The following SHROOM2 variants were observed in gnomAD, a reference collection of about 807,000 sequenced individuals.
SHROOM2 encodes the protein protein Shroom2.
In SHROOM2, 33 loss-of-function variants were observed where a neutral mutation model predicts 75.9. The ratio of observed to expected loss-of-function variants is 0.43; its 90% CI spans 0.33 to 0.58. The LOEUF is 0.58. Among genes scored for constraint, SHROOM2 ranks in the 20% least tolerant of loss-of-function variants. The pLI, the probability that SHROOM2 is intolerant of heterozygous loss-of-function variation, is 0.04. For missense variants in SHROOM2, 1,434 were observed against 1,461.2 expected (o/e 0.98, Z 0.30); for synonymous variants, 655 against 663.6 (o/e 0.99, Z 0.20).
intron 1 of SHROOM2, among the ~76,000 whole-genome samples, chrX:9,814,001 A>C (rs773079616): frequency 2.7e-5 from 3 of 112,081 alleles, no homozygotes; most frequent in Non-Finnish European, 5.6e-5. Flanking sequence ...GGGAAGAACA[A>C]TTACAGGGCT....
chrX:9,899,642 C>A lies in SHROOM2; in HGVS notation c.2891+1352C>A, dbSNP rs1180458346. 9.8e-5 allele frequency among the ~76,000 whole-genome samples: 11 copies of A among 112,205 alleles called. No homozygotes were observed. The Admixed American group carries it at 1.0e-3, about 11-fold the overall frequency. On this transcript the variant is annotated intron_variant, in intron 5 of 9. Transcript: ENST00000380913. Reference sequence around the variant, plus strand: ...CGACAGGATTGATATTGTGTGTGTGCTTGTGTAGGAAGTCTCTGCAGTTAC... The same window carrying A: ...CGACAGGATTGATATTGTGTGTGTGATTGTGTAGGAAGTCTCTGCAGTTAC...
intron 1 of SHROOM2, among the ~76,000 whole-genome samples, chrX:9,789,938 C>T (rs966672482): frequency 6.8e-5 from 7 of 102,674 alleles, no homozygotes; most frequent in East Asian, 3.0e-4. Context: ...CTGTTGTGTG[C>T]GACAAGACTG....
chrX:9,864,692 G>T (rs1449846923), intron 1 of SHROOM2, among the ~76,000 whole-genome samples: 1 of 108,265 alleles, frequency 9.2e-6, no homozygotes, highest in Non-Finnish European at 1.9e-5. Flanking sequence ...GGGCGTAGTG[G>T]CGGGCGCCTG....
rs1401828412 is a variant in SHROOM2, at chrX:9,949,349, A to C, written c.*2412A>C. On this transcript the variant is annotated 3_prime_UTR_variant, in exon 10 of 10. Transcript: ENST00000380913. ...TGTATCCTTCAGTCCACCACAGCAA[A>C]TGTGTGTAGATTTCATGCTCGACAC... The C allele has an allele frequency of 6.1e-6, 2 of 328,953 alleles. No homozygotes were observed. Among genetic ancestry groups the C allele is most frequent in the African/African-American group, 5.3e-5 (2 of 37,450 alleles). The allele number at this position is 328,953 out of a possible 1,213,427, so 27.1% of individuals were successfully genotyped here.
chrX:9,813,417 A>G (rs1318553929), intron 1 of SHROOM2, among the ~76,000 whole-genome samples: 1 of 111,621 alleles, frequency 9.0e-6, no homozygotes, highest in Non-Finnish European at 1.9e-5. Context: ...CTTGGAATCA[A>G]CGTCAGCTCA....
chrX:9,921,129 C>T (rs1157008601), intron 5 of SHROOM2, among the ~76,000 whole-genome samples: 1 of 110,887 alleles, frequency 9.0e-6, no homozygotes, highest in Non-Finnish European at 1.9e-5. Flanking sequence ...CTCAGTTCCT[C>T]CCCACATGGA....
chrX:9,915,697 A>G (rs1436460073), intron 5 of SHROOM2, among the ~76,000 whole-genome samples: 1 of 112,729 alleles, frequency 8.9e-6, no homozygotes, highest in Non-Finnish European at 1.9e-5. Flanking sequence ...ATACATGCCC[A>G]TACACATATG....
At chrX:9,904,317 C>T (rs751325593) in intron 5 of SHROOM2, among the ~76,000 whole-genome samples, 46 of 111,481 alleles carry the variant, frequency 4.1e-4, no homozygotes, top group African/African-American at 1.4e-3. Context: ...TCCAGGAGTT[C>T]GAGACCAGCT....
At chrX:9,875,056 G>A (rs1161682121) in intron 2 of SHROOM2, among the ~76,000 whole-genome samples, 1 of 61,598 alleles carries the variant, frequency 1.6e-5, no homozygotes, top group Non-Finnish European at 3.1e-5. Context: ...ATTCCAGGCT[G>A]GGTGACAGAG....
chrX:9,855,295 T>TAAAAAAAAAAAA (rs57235424), intron 1 of SHROOM2, among the ~76,000 whole-genome samples: 2 of 39,297 alleles, frequency 5.1e-5, no homozygotes, highest in African/African-American at 9.3e-5. Flanking sequence ...TAAAGTATAG[T>TAAAAAAAAAAAA]AAAAAAAAAA....
At chrX:9,807,998 C>G (rs1435470263) in intron 1 of SHROOM2, among the ~76,000 whole-genome samples, 1 of 111,935 alleles carries the variant, frequency 8.9e-6, no homozygotes, top group Admixed American at 9.5e-5. Context: ...CAGCCCCGAG[C>G]TTTTGGCCTG....
At chrX:9,814,588 T>A (rs2083808935) in intron 1 of SHROOM2, among the ~76,000 whole-genome samples, 1 of 110,941 alleles carries the variant, frequency 9.0e-6, no homozygotes, top group Non-Finnish European at 1.9e-5. Context: ...TGCCTGGCAA[T>A]TGCCTCAGGG....
chrX:9,877,181 G>T (rs2084205366), intron 2 of SHROOM2, among the ~76,000 whole-genome samples: 1 of 112,110 alleles, frequency 8.9e-6, no homozygotes, highest in African/African-American at 3.2e-5. Context: ...TCGTTGAGAA[G>T]CTGGTGCTGG....
At chrX:9,867,587 C>T (rs928119497) in intron 1 of SHROOM2, among the ~76,000 whole-genome samples, 1 of 111,396 alleles carries the variant, frequency 9.0e-6, no homozygotes, top group African/African-American at 3.3e-5. Context: ...GATGCTATCA[C>T]GCATGCGGCA....
intron 5 of SHROOM2, among the ~76,000 whole-genome samples, chrX:9,914,810 C>G (rs988765114): frequency 2.7e-5 from 3 of 112,099 alleles, no homozygotes; most frequent in Admixed American, 1.9e-4. Context: ...CGTGGGGCAG[C>G]ATGGCTGATT....
intron 1 of SHROOM2, among the ~76,000 whole-genome samples, chrX:9,853,451 A>T (rs763579252): frequency 1.8e-5 from 2 of 112,503 alleles, no homozygotes; most frequent in Non-Finnish European, 3.8e-5. Context: ...GGAGGCCAGA[A>T]GTCTGCAATC....
intron 7 of SHROOM2, among the ~76,000 whole-genome samples, 193 bp downstream of exon 7, chrX:9,937,878 C>T (rs1181865709): frequency 8.9e-6 from 1 of 112,244 alleles, no homozygotes; most frequent in Non-Finnish European, 1.9e-5. Context: ...GGGTTAACGG[C>T]TTTGGGCCTG....
chrX:9,939,743 C>G (rs1019982232), intron 8 of SHROOM2, among the ~76,000 whole-genome samples: 1 of 111,736 alleles, frequency 8.9e-6, no homozygotes, highest in Non-Finnish European at 1.9e-5. Flanking sequence ...TGGCCTCAAG[C>G]GATCCCCCTG....
chrX:9,844,658 TA>T (rs1218305600), intron 1 of SHROOM2, among the ~76,000 whole-genome samples: 2 of 109,919 alleles, frequency 1.8e-5, no homozygotes, highest in South Asian at 3.9e-4. Context: ...ACTAAAATTA[TA>T]AAAAAATTAG....
Sources: allele counts gnomAD v4.1 joint callset (sites outside exome capture counted in the v4.1 genomes callset), GRCh38; gene constraint gnomAD v4.1.1; transcripts MANE v1.5; gene names NCBI Gene and HGNC (gene_info 2026-07-23, HGNC 2026-07-21).